Variants in PTGER3 observed in about 807,000 individuals in gnomAD.
The protein encoded by PTGER3 is prostaglandin E2 receptor EP3 subtype.
Under a neutral mutation model 34.7 loss-of-function variants are expected in PTGER3, and 22 were observed. The ratio of observed to expected loss-of-function variants is 0.63; its 90% confidence interval spans 0.45 to 0.91. The LOEUF (loss-of-function observed/expected upper bound fraction) is 0.91. Ranked by LOEUF, PTGER3 falls within the 40% of genes least tolerant of loss-of-function variation. The probability of loss-of-function intolerance (pLI) is 0.00; values close to 1 mark genes in which losing one functional copy is unlikely to be tolerated. For synonymous variants in PTGER3, 241 were observed against 230.1 expected, an observed-to-expected ratio of 1.05 and a Z score of -0.43; for missense variants, 468 against 519.4, an observed-to-expected ratio of 0.90 and a Z score of 0.96.
chr1:70,868,705 A>T (rs1434991634), intron 4 of PTGER3, among the ~76,000 whole-genome samples: 1 of 152,240 alleles, frequency 6.6e-6, no homozygotes, highest in Non-Finnish European at 1.5e-5. Context: ...CAAAATAAAA[A>T]TGGAAGCCCT....
intron 4 of PTGER3, among the ~76,000 whole-genome samples, chr1:70,943,173 C>A (rs1572713224): frequency 6.6e-6 from 1 of 152,178 alleles, no homozygotes; most frequent in African/African-American, 2.4e-5. Flanking sequence ...GTCTACAAAT[C>A]TGCTGCCTTA....
chr1:70,956,530 C>T (rs772479787), intron 2 of PTGER3, among the ~76,000 whole-genome samples: 2 of 151,978 alleles, frequency 1.3e-5, no homozygotes, highest in Non-Finnish European at 2.9e-5. Context: ...ACTGGCACAA[C>T]GTAAAGGTCA....
chr1:70,944,063 T>C (rs144245783), intron 4 of PTGER3, among the ~76,000 whole-genome samples: 85 of 152,262 alleles, frequency 5.6e-4, no homozygotes, highest in African/African-American at 1.8e-3. Context: ...AGTTGACATA[T>C]GTAATTTTTA....
chr1:70,909,670 T>C (rs1474494205), intron 4 of PTGER3, among the ~76,000 whole-genome samples: 1 of 152,162 alleles, frequency 6.6e-6, no homozygotes, highest in Non-Finnish European at 1.5e-5. Context: ...TAAGATAATT[T>C]GTAGATACAG....
At chr1:70,980,545 C>T (rs1654154155) in intron 2 of PTGER3, among the ~76,000 whole-genome samples, 3 of 151,992 alleles carry the variant, frequency 2.0e-5, no homozygotes, top group African/African-American at 7.3e-5. Context: ...AGGAGGATTC[C>T]TGGAGCCTAG....
chr1:71,011,890 T>C, intron 2 of PTGER3: 2 of 1,101,254 alleles, frequency 1.8e-6, no homozygotes, highest in Non-Finnish European at 2.2e-6. Context: ...ATGTATTCAG[T>C]GTACTGGAAT....
chr1:70,952,797 T>A, exon 4 of PTGER3: 3 of 1,370,524 alleles, frequency 2.2e-6, no homozygotes, highest in Non-Finnish European at 2.8e-6. Flanking sequence ...CCTTTCCGAG[T>A]CAATCAACAC....
chr1:70,874,248 T>G (rs1177849881), intron 4 of PTGER3, among the ~76,000 whole-genome samples: 1 of 152,154 alleles, frequency 6.6e-6, no homozygotes, highest in African/African-American at 2.4e-5. Context: ...TACTCACACT[T>G]CCTCAGCCCC....
chr1:71,047,377 T>A lies in PTGER3; in HGVS notation c.201A>T (p.Ala67=). Residue 67 remains alanine (A), a synonymous_variant, in exon 1 of 4, where the codon GCA becomes GCT. Coordinates refer to ENST00000306666, the MANE Select transcript of PTGER3 (RefSeq NM_198719.2). ...TMLLTGFVGN[A]LAMLLVSRSY... Reference sequence around the variant, plus strand: ...TGCGCGACACGAGCAGCATGGCCAGTGCGTTGCCCACGAAACCAGTGAGCA... The same window carrying A: ...TGCGCGACACGAGCAGCATGGCCAGAGCGTTGCCCACGAAACCAGTGAGCA... 2 of 1,611,140 alleles carry A rather than the reference T, an allele frequency of 1.2e-6. No individual in the cohort carries two copies. The highest frequency in any genetic ancestry group is 1.7e-6 in the Non-Finnish European group (2 of 1,179,410).
At position 71,006,694 on chromosome 1, in the gene PTGER3, A is replaced by G. The variant is rs150774221; in HGVS notation, c.1077+5611T>C. 433 of 984,892 alleles carry G rather than the reference A, an allele frequency of 4.4e-4. 1 individual carries two copies. In the African/African-American group the frequency reaches 7.0e-3, roughly 16 times the overall value. The allele number at this position is 984,892 out of a possible 1,614,324, so 61.0% of individuals were successfully genotyped here. On this transcript the variant is annotated intron_variant, in intron 2 of 3. Transcript: ENST00000306666. Reference sequence around the variant, plus strand: ...TTTGTTATGCACATGATTATGGAATATAAAACAAAATGATCTAATTTTTCC... The same window carrying G: ...TTTGTTATGCACATGATTATGGAATGTAAAACAAAATGATCTAATTTTTCC...
chr1:70,973,930 G>A (rs1322028039), intron 3 of PTGER3, among the ~76,000 whole-genome samples: 1 of 152,072 alleles, frequency 6.6e-6, no homozygotes, highest in Admixed American at 6.5e-5. Flanking sequence ...CTAGCCATAT[G>A]AGCCATATGG....
intron 4 of PTGER3, among the ~76,000 whole-genome samples, chr1:70,931,005 C>T (rs1648634394): frequency 6.6e-6 from 1 of 152,138 alleles, no homozygotes; most frequent in South Asian, 2.1e-4. Flanking sequence ...AGCCTACAAG[C>T]CTGTAAAATC....
Position 70,860,267 on chromosome 1 carries a change from G to A in PTGER3, c.*24-7408C>T, listed in dbSNP as rs1056315726. ...AGAACTTTTTAGTAATGTACAACAG[G>A]CACTCAAATAATATTTTATTCAATG... On this transcript the variant is annotated intron_variant, in intron 4 of 4. Coordinates refer to the PTGER3 transcript ENST00000370931. Among the ~76,000 whole-genome samples the A allele has an allele frequency of 5.3e-5, 8 of 152,016 alleles. No individual in the cohort carries two copies. The East Asian group carries it at 1.5e-3, about 29-fold the overall frequency.
intron 2 of PTGER3, among the ~76,000 whole-genome samples, chr1:70,996,136 T>C (rs764323518): frequency 6.6e-6 from 1 of 152,222 alleles, no homozygotes; most frequent in Non-Finnish European, 1.5e-5. Flanking sequence ...AGTGGCACAC[T>C]GAAATGACGT....
chr1:71,023,178 C>T (rs767864236), intron 1 of PTGER3, among the ~76,000 whole-genome samples: 11 of 151,842 alleles, frequency 7.2e-5, no homozygotes, highest in Non-Finnish European at 1.6e-4. Context: ...TTCACAAATC[C>T]TCAGACAAGG....
chr1:71,038,235 A>G (rs1660002235), intron 1 of PTGER3, among the ~76,000 whole-genome samples: 1 of 152,236 alleles, frequency 6.6e-6, no homozygotes, highest in Admixed American at 6.5e-5. Flanking sequence ...ACAAAAAGAT[A>G]TACAAATCAA....
intron 2 of PTGER3, among the ~76,000 whole-genome samples, chr1:71,005,604 G>C (rs1302113660): frequency 6.6e-6 from 1 of 152,138 alleles, no homozygotes; most frequent in African/African-American, 2.4e-5. Flanking sequence ...ACCAGAGCTT[G>C]GCACTTAATA....
chr1:70,896,282 C>T (rs1646720276), intron 4 of PTGER3, among the ~76,000 whole-genome samples: 1 of 152,092 alleles, frequency 6.6e-6, no homozygotes, highest in African/African-American at 2.4e-5. Flanking sequence ...TCGAGGAGGA[C>T]ATTAGGGTGG....
At chr1:70,940,684 T>C (rs1416356942) in intron 4 of PTGER3, among the ~76,000 whole-genome samples, 2 of 152,084 alleles carry the variant, frequency 1.3e-5, no homozygotes, top group African/African-American at 4.8e-5. Context: ...ATCATGAGAA[T>C]AGCATGGGAA....
Sources: gnomAD v4.1 joint callset for allele counts (sites outside exome capture counted in the v4.1 genomes callset) on GRCh38, gnomAD v4.1.1 for gene constraint, MANE v1.5 for transcripts, NCBI Gene and HGNC (gene_info 2026-07-23, HGNC 2026-07-21) for gene names.